The following DLGAP2 variants were observed in gnomAD, a reference collection of about 807,000 sequenced individuals.
DLGAP2 encodes DLG associated protein 2.
A neutral mutation model predicts 100.3 loss-of-function variants in DLGAP2; 26 were observed. That is an observed-to-expected ratio of 0.26 (90% confidence interval 0.19 to 0.36). The LOEUF (loss-of-function observed/expected upper bound fraction) is 0.36, where lower values mean the gene tolerates loss of function less well. DLGAP2 is among the 10% of genes least tolerant of loss of function. DLGAP2 has a pLI of 1.00. For synonymous variants in DLGAP2, 886 were observed against 630.1 expected (o/e 1.41, Z -6.08); for missense variants, 1,858 against 1,453.2 (o/e 1.28, Z -4.53).
chr8:1,271,810 T>A (rs528085104), intron 3 of DLGAP2, among the ~76,000 whole-genome samples: 2 of 152,170 alleles, frequency 1.3e-5, no homozygotes, highest in Non-Finnish European at 2.9e-5. Context: ...TAATTTTTAT[T>A]TATTTATGAA....
intron 2 of DLGAP2, among the ~76,000 whole-genome samples, chr8:1,165,938 C>T (rs1384145305): frequency 1.3e-5 from 2 of 151,796 alleles, no homozygotes; most frequent in Non-Finnish European, 2.9e-5. Flanking sequence ...CTGTTTTAAC[C>T]ATTATCCAGT....
At chr8:1,079,153 G>C (rs888543288) in intron 2 of DLGAP2, among the ~76,000 whole-genome samples, 1 of 152,208 alleles carries the variant, frequency 6.6e-6, no homozygotes, top group South Asian at 2.1e-4. Context: ...GTGAGAAGTG[G>C]TGTGGAGTGT....
At chr8:1,631,198 G>A (rs1332067311) in intron 7 of DLGAP2, among the ~76,000 whole-genome samples, 1 of 152,084 alleles carries the variant, frequency 6.6e-6, no homozygotes, top group Non-Finnish European at 1.5e-5. Context: ...GCTTGTAGCT[G>A]GAAGCATAGC....
intron 2 of DLGAP2, among the ~76,000 whole-genome samples, chr8:1,105,427 C>G (rs570569959): frequency 6.6e-6 from 1 of 152,202 alleles, no homozygotes; most frequent in South Asian, 2.1e-4. Flanking sequence ...GACTTTTGTC[C>G]TTTGATGAGA....
In DLGAP2 at chr8:1,635,141, C is replaced by G. The variant is rs540564983; in HGVS notation, c.1810+2095C>G. Among the ~76,000 whole-genome samples, 7 of 152,212 alleles carry G rather than the reference C, an allele frequency of 4.6e-5. 1 individual carries two copies. In the South Asian group the frequency reaches 8.3e-4, roughly 18 times the overall value. ...TTAATCATTAACCTCTGCTGTTTCC[C>G]ATTTTACTCTAAGTATTGTATATTA... On this transcript the variant is annotated intron_variant, in intron 8 of 14. Transcript: ENST00000637795.
intron 3 of DLGAP2, among the ~76,000 whole-genome samples, chr8:1,321,976 AG>A (rs1483491346): frequency 6.6e-6 from 1 of 152,242 alleles, no homozygotes; most frequent in African/African-American, 2.4e-5. Flanking sequence ...ATCTAGCTTA[AG>A]CCCTGAAGCG....
chr8:1,312,991 G>A (rs575077153), intron 3 of DLGAP2, among the ~76,000 whole-genome samples: 1 of 152,348 alleles, frequency 6.6e-6, no homozygotes, highest in Admixed American at 6.5e-5. Context: ...GTAGCAAGAT[G>A]CAGAACCCCA....
At chr8:767,002 A>G (rs1021566955) in intron 1 of DLGAP2, among the ~76,000 whole-genome samples, 1 of 152,194 alleles carries the variant, frequency 6.6e-6, no homozygotes, top group Non-Finnish European at 1.5e-5. Flanking sequence ...TCAGGCGCCC[A>G]TGAGATGGGA....
intron 2 of DLGAP2, among the ~76,000 whole-genome samples, chr8:1,106,814 TG>T (rs776035498): frequency 3.3e-5 from 5 of 152,128 alleles, no homozygotes; most frequent in African/African-American, 7.2e-5. Flanking sequence ...GTGAGGTGCT[TG>T]TCACTTACTT....
At chr8:858,536 A>G (rs997358907) in intron 1 of DLGAP2, among the ~76,000 whole-genome samples, 1 of 148,448 alleles carries the variant, frequency 6.7e-6, no homozygotes, top group African/African-American at 2.5e-5. Context: ...GGCACGTGTA[A>G]TGCTGTCACC....
chr8:744,340 C>A (rs1253105373), intron 1 of DLGAP2, among the ~76,000 whole-genome samples: 1 of 152,172 alleles, frequency 6.6e-6, no homozygotes, highest in Non-Finnish European at 1.5e-5. Context: ...ATTGGAATAG[C>A]CACTCTGTGA....
chr8:1,096,985 G>A (rs1441373847), intron 2 of DLGAP2, among the ~76,000 whole-genome samples: 5 of 147,976 alleles, frequency 3.4e-5, no homozygotes, highest in Non-Finnish European at 6.0e-5. Flanking sequence ...CCTCCAGCGT[G>A]AGACCCACCT....
chr8:1,292,011 C>G (rs1318269888), intron 3 of DLGAP2, among the ~76,000 whole-genome samples: 1 of 152,130 alleles, frequency 6.6e-6, no homozygotes, highest in Non-Finnish European at 1.5e-5. Flanking sequence ...AAAGCAAATG[C>G]TAGGGGTTGA....
chr8:1,027,725 T>C (rs1202263714), intron 2 of DLGAP2, among the ~76,000 whole-genome samples: 1 of 136,686 alleles, frequency 7.3e-6, no homozygotes, highest in Non-Finnish European at 1.6e-5. Context: ...GCGCCCGTTA[T>C]TCTCCAGGTG....
At chr8:775,084 C>T (rs1265756419) in intron 1 of DLGAP2, among the ~76,000 whole-genome samples, 1 of 152,150 alleles carries the variant, frequency 6.6e-6, no homozygotes, top group Non-Finnish European at 1.5e-5. Flanking sequence ...AAGTTGGATT[C>T]CTAGGTATTT....
At chr8:1,112,382 A>G (rs1021455789) in intron 2 of DLGAP2, among the ~76,000 whole-genome samples, 1 of 151,820 alleles carries the variant, frequency 6.6e-6, no homozygotes, top group African/African-American at 2.4e-5. Context: ...CTGGGACTAC[A>G]GGCATCCACC....
intron 6 of DLGAP2, among the ~76,000 whole-genome samples, chr8:1,584,294 A>G (rs188385638): frequency 6.4e-4 from 97 of 152,336 alleles, no homozygotes; most frequent in Non-Finnish European, 4.7e-4. Flanking sequence ...TAATCAATTT[A>G]AAAGACGTGT....
intron 3 of DLGAP2, among the ~76,000 whole-genome samples, chr8:1,456,866 T>C (rs965933719): frequency 6.6e-6 from 1 of 152,268 alleles, no homozygotes; most frequent in Non-Finnish European, 1.5e-5. Flanking sequence ...ACTGGTGAAA[T>C]CGGTTTTGCC....
At chr8:1,562,969 A>G (rs13281264) in intron 5 of DLGAP2, among the ~76,000 whole-genome samples, 277 of 18,358 alleles carry the variant, frequency 0.015, 51 homozygotes, top group Middle Eastern at 0.062. Context: ...GCGCCTCGTT[A>G]CTGGGGGACT....
Sources: allele counts gnomAD v4.1 joint callset (sites outside exome capture counted in the v4.1 genomes callset), GRCh38; gene constraint gnomAD v4.1.1; transcripts MANE v1.5; gene names NCBI Gene and HGNC (gene_info 2026-07-23, HGNC 2026-07-21).